AKAP19: variants seen among roughly 807,000 people sequenced by gnomAD.
The protein encoded by AKAP19 is small A-kinase anchoring protein.
At chr2:190,031,620 A>G in the AKAP19 span, among the ~76,000 whole-genome samples, 1 of 152,174 alleles carries the variant, frequency 6.6e-6, no homozygotes, top group Non-Finnish European at 1.5e-5. Context: ...CTAGATGTCT[A>G]TTTGAAAAGA....
At chr2:190,122,601 C>T in the AKAP19 span, among the ~76,000 whole-genome samples, 1 of 152,266 alleles carries the variant, frequency 6.6e-6, no homozygotes, top group African/African-American at 2.4e-5. Flanking sequence ...TGAGAGGATT[C>T]CAAGATGATT....
At chr2:189,973,689 A>T in the AKAP19 span, among the ~76,000 whole-genome samples, 9 of 152,142 alleles carry the variant, frequency 5.9e-5, no homozygotes, top group East Asian at 7.7e-4. Flanking sequence ...CAGGGATTCA[A>T]CTTCTTCCTG....
chr2:189,987,817 C>A, the AKAP19 span, among the ~76,000 whole-genome samples: 1 of 152,156 alleles, frequency 6.6e-6, no homozygotes, highest in Non-Finnish European at 1.5e-5. Context: ...CCTTTTGTAA[C>A]CACCCAAGGG....
the AKAP19 span, among the ~76,000 whole-genome samples, chr2:189,896,660 A>C: frequency 6.6e-6 from 1 of 152,154 alleles, no homozygotes; most frequent in Non-Finnish European, 1.5e-5. Context: ...ACATAATATG[A>C]ATGACTGGAA....
chr2:190,016,932 A>G, the AKAP19 span, among the ~76,000 whole-genome samples: 1 of 152,120 alleles, frequency 6.6e-6, no homozygotes, highest in Non-Finnish European at 1.5e-5. Flanking sequence ...TTTCACATAT[A>G]TTAATATTTG....
At chr2:189,978,931 A>G in the AKAP19 span, among the ~76,000 whole-genome samples, 2 of 152,166 alleles carry the variant, frequency 1.3e-5, no homozygotes, top group African/African-American at 4.8e-5. Flanking sequence ...GAAAGAAATC[A>G]TAGATGACAC....
the AKAP19 span, among the ~76,000 whole-genome samples, chr2:190,067,803 C>A: frequency 4.8e-3 from 725 of 152,274 alleles, 2 homozygotes; most frequent in Middle Eastern, 0.02. Flanking sequence ...TCCTCTCCCT[C>A]CTTCCCAAAA....
the AKAP19 span, among the ~76,000 whole-genome samples, chr2:189,978,648 G>T: frequency 6.6e-6 from 1 of 152,112 alleles, no homozygotes; most frequent in Non-Finnish European, 1.5e-5. Context: ...GTGAAAACAT[G>T]GTATTTGATT....
At chr2:190,185,441 C>T in the AKAP19 span, among the ~76,000 whole-genome samples, 8 of 152,066 alleles carry the variant, frequency 5.3e-5, no homozygotes, top group South Asian at 2.1e-4. Context: ...AATGATAAAG[C>T]GGGAAGAGGT....
the AKAP19 span, among the ~76,000 whole-genome samples, chr2:190,107,479 G>T: frequency 0.042 from 6,340 of 152,096 alleles, 258 homozygotes; most frequent in African/African-American, 0.1. Flanking sequence ...TTTCAAGTTG[G>T]AAAAGGAAGT....
chr2:190,191,655 A>G, the AKAP19 span, among the ~76,000 whole-genome samples: 1 of 152,206 alleles, frequency 6.6e-6, no homozygotes, highest in Admixed American at 6.5e-5. Context: ...ATTTTTACCC[A>G]TTCTAACAGC....
the AKAP19 span, among the ~76,000 whole-genome samples, chr2:190,018,372 A>G: frequency 6.6e-6 from 1 of 151,718 alleles, no homozygotes; most frequent in Admixed American, 6.6e-5. Flanking sequence ...TAGATGATTT[A>G]CAGTGTTCTA....
chr2:189,988,419 T>A, the AKAP19 span, among the ~76,000 whole-genome samples: 2 of 152,226 alleles, frequency 1.3e-5, no homozygotes, highest in East Asian at 3.8e-4. Flanking sequence ...TTTCATTTGT[T>A]TTACAAGAAC....
chr2:190,171,624 T>G, the AKAP19 span, among the ~76,000 whole-genome samples: 5 of 152,152 alleles, frequency 3.3e-5, no homozygotes, highest in Admixed American at 1.3e-4. Flanking sequence ...AAATATATAA[T>G]TGGTGGATAT....
chr2:190,084,387 C>T, the AKAP19 span, among the ~76,000 whole-genome samples: 1 of 152,148 alleles, frequency 6.6e-6, no homozygotes, highest in African/African-American at 2.4e-5. Context: ...GCCACCTTGC[C>T]CAGCTAGAGC....
At chr2:190,194,154 T>G in the AKAP19 span, among the ~76,000 whole-genome samples, 2 of 152,218 alleles carry the variant, frequency 1.3e-5, no homozygotes, top group African/African-American at 4.8e-5. Flanking sequence ...TGAAATCTGC[T>G]GAGACTACCA....
the AKAP19 span, among the ~76,000 whole-genome samples, chr2:189,898,494 A>G: frequency 6.6e-6 from 1 of 151,952 alleles, no homozygotes; most frequent in African/African-American, 2.4e-5. Flanking sequence ...CATTTTGCAT[A>G]TTGCCTTTTT....
the AKAP19 span, among the ~76,000 whole-genome samples, chr2:190,089,903 T>C: frequency 1.3e-5 from 2 of 152,148 alleles, no homozygotes; most frequent in African/African-American, 4.8e-5. Context: ...CCATATACTA[T>C]GCAAAACCTA....
the AKAP19 span, among the ~76,000 whole-genome samples, chr2:190,094,890 T>C: frequency 2.0e-5 from 3 of 152,156 alleles, no homozygotes; most frequent in African/African-American, 4.8e-5. Context: ...ATTCTGCTGG[T>C]TCAAGAAAAA....
Sources: allele counts gnomAD v4.1 joint callset (sites outside exome capture counted in the v4.1 genomes callset), GRCh38; gene constraint gnomAD v4.1.1; transcripts MANE v1.5; gene names NCBI Gene and HGNC (gene_info 2026-07-23, HGNC 2026-07-21).